Variants in CABCOCO1 observed in about 807,000 individuals in gnomAD.
The protein encoded by CABCOCO1 is ciliary associated calcium binding coiled-coil 1.
A neutral mutation model predicts 35.7 loss-of-function variants in CABCOCO1; 28 were observed. The observed-to-expected ratio is 0.78, with a 90% CI of 0.58 to 1.07. The LOEUF is 1.07. Ranked by LOEUF, CABCOCO1 falls within the 50% of genes least tolerant of loss-of-function variation. The probability of loss-of-function intolerance (pLI) is 0.00; values close to 1 mark genes in which losing one functional copy is unlikely to be tolerated. For synonymous variants in CABCOCO1, 95 were observed against 100.1 expected (o/e 0.95, Z 0.30); for missense variants, 326 against 309.2 (o/e 1.05, Z -0.41).
chr10:61,681,324 A>G lies in CABCOCO1; in HGVS notation c.334+12A>G, dbSNP rs763099920. 4.0e-6 allele frequency: 6 copies of G among 1,506,700 alleles called. No individual in the cohort carries two copies. The highest frequency in any genetic ancestry group is 1.2e-5 in the South Asian group (1 of 82,976). The allele number at this position is 1,506,700 out of a possible 1,614,324, so 93.3% of individuals were successfully genotyped here. The stretch of plus-strand genomic sequence containing the variant: ...TCAAAATCTTAAAAGTAAGTACACT[A>G]TTTTCCTTTGAAGTAAAACAAATTT... On this transcript the variant is annotated intron_variant, in intron 3 of 7. Transcript: ENST00000648843.
At chr10:61,738,250 C>G (rs1385090239) in intron 5 of CABCOCO1, among the ~76,000 whole-genome samples, 1 of 152,028 alleles carries the variant, frequency 6.6e-6, no homozygotes, top group African/African-American at 2.4e-5. Flanking sequence ...TCTACTCTCC[C>G]AAAAGAGACA....
At chr10:61,720,640 A>G (rs1840981615) in intron 5 of CABCOCO1, among the ~76,000 whole-genome samples, 1 of 152,118 alleles carries the variant, frequency 6.6e-6, no homozygotes, top group South Asian at 2.1e-4. Context: ...TAATTGGTGT[A>G]AAACGGTATA....
At chr10:61,665,723 T>C (rs1012455424) in intron 1 of CABCOCO1, among the ~76,000 whole-genome samples, 17 of 151,582 alleles carry the variant, frequency 1.1e-4, no homozygotes, top group African/African-American at 3.9e-4. Context: ...CCGTCTTTAC[T>C]AAAAATACAA....
chr10:61,679,586 C>G (rs1190790393), intron 2 of CABCOCO1, among the ~76,000 whole-genome samples: 1 of 152,036 alleles, frequency 6.6e-6, no homozygotes, highest in Non-Finnish European at 1.5e-5. Context: ...ACAGAAAATG[C>G]CTGCTAGTTT....
intron 5 of CABCOCO1, among the ~76,000 whole-genome samples, chr10:61,727,247 C>CA (rs140253369): frequency 5.4e-4 from 82 of 150,802 alleles, no homozygotes; most frequent in Middle Eastern, 3.4e-3. Flanking sequence ...CTACAACCAA[C>CA]AAAAAAAAAT....
intron 5 of CABCOCO1, among the ~76,000 whole-genome samples, chr10:61,702,117 A>T (rs1009022791): frequency 6.6e-6 from 1 of 152,162 alleles, no homozygotes; most frequent in Non-Finnish European, 1.5e-5. Flanking sequence ...ATGAATTGAG[A>T]GATAATAGGT....
intron 5 of CABCOCO1, among the ~76,000 whole-genome samples, chr10:61,725,720 G>A (rs2132047128): frequency 6.6e-6 from 1 of 151,702 alleles, no homozygotes; most frequent in Admixed American, 6.6e-5. Flanking sequence ...TAACAAACCT[G>A]CACATTGTGA....
chr10:61,693,233 G>T lies in CABCOCO1; in HGVS notation c.552+2612G>T, dbSNP rs1029047802. On this transcript the variant is annotated intron_variant, in intron 5 of 7. Transcript: ENST00000648843. ...CCACTCATGGCATTTTAAAGGATTA[G>T]TGAAAGTATTTTATGACATTTTAGA... Among the ~76,000 whole-genome samples the T allele has an allele frequency of 3.9e-5, 6 of 152,254 alleles. No homozygotes were observed. In the East Asian group the frequency reaches 9.6e-4, roughly 24 times the overall value.
chr10:61,711,281 G>C (rs1029700369), intron 5 of CABCOCO1, among the ~76,000 whole-genome samples: 6 of 151,882 alleles, frequency 4.0e-5, no homozygotes, highest in African/African-American at 1.2e-4. Context: ...TTGCAAGTGG[G>C]GAAATTATGG....
In CABCOCO1 at chr10:61,662,993, C is replaced by CT. The variant is rs1839046436; in HGVS notation, c.22dup (p.Trp8LeufsTer17). On this transcript the variant is annotated frameshift_variant, in exon 1 of 8. Transcript: ENST00000648843. LOFTEE classifies it high-confidence loss of function. ...CGGCGATGTCGCAGGGGACGACTCC[C>CT]TGGGGGCCGACCCCGGCGGGAACCA... 8.8e-6 allele frequency: 1 copy of CT among 113,074 alleles called. No homozygotes were observed. The highest frequency in any genetic ancestry group is 2.0e-4 in the African/African-American group (1 of 4,968). 7.0% of individuals were successfully genotyped at this position (113,074 alleles called of 1,614,324 possible).
At chr10:61,741,071 G>T (rs1405216770) in intron 5 of CABCOCO1, among the ~76,000 whole-genome samples, 4 of 152,054 alleles carry the variant, frequency 2.6e-5, no homozygotes, top group African/African-American at 9.7e-5. Flanking sequence ...TTGAACCCAG[G>T]AGGCAGAGGT....
At chr10:61,715,052 A>C (rs944966244) in intron 5 of CABCOCO1, among the ~76,000 whole-genome samples, 1 of 152,102 alleles carries the variant, frequency 6.6e-6, no homozygotes, top group Non-Finnish European at 1.5e-5. Context: ...GCTGAGTTGA[A>C]GTCCTGGATA....
chr10:61,755,819 T>C (rs1394261506), intron 5 of CABCOCO1, among the ~76,000 whole-genome samples: 1 of 151,726 alleles, frequency 6.6e-6, no homozygotes, highest in Non-Finnish European at 1.5e-5. Context: ...ACACGGAAAA[T>C]AGAAAAAAGA....
intron 5 of CABCOCO1, among the ~76,000 whole-genome samples, chr10:61,708,747 A>G (rs932249434): frequency 1.3e-5 from 2 of 152,106 alleles, no homozygotes; most frequent in African/African-American, 4.8e-5. Context: ...TGTTGGGGAG[A>G]TGGGAACATT....
intron 2 of CABCOCO1, among the ~76,000 whole-genome samples, chr10:61,676,398 T>G (rs577930970): frequency 2.6e-5 from 4 of 152,222 alleles, no homozygotes; most frequent in Admixed American, 1.3e-4. Context: ...AATAATAGAC[T>G]GAAACAATTA....
chr10:61,710,117 T>G (rs989541090), intron 5 of CABCOCO1, among the ~76,000 whole-genome samples: 1 of 152,048 alleles, frequency 6.6e-6, no homozygotes, highest in African/African-American at 2.4e-5. Context: ...AAAAATTATT[T>G]TAAATGATTT....
chr10:61,708,027 A>G (rs2132025225), intron 5 of CABCOCO1, among the ~76,000 whole-genome samples: 1 of 152,098 alleles, frequency 6.6e-6, no homozygotes, highest in South Asian at 2.1e-4. Flanking sequence ...AGGGCCTGGC[A>G]TAGGACAGCA....
intron 5 of CABCOCO1, among the ~76,000 whole-genome samples, chr10:61,720,613 A>C (rs564165145): frequency 7.2e-5 from 11 of 152,324 alleles, no homozygotes; most frequent in Non-Finnish European, 1.6e-4. Context: ...TTGAACATAA[A>C]ATTAAGGCCA....
rs1351456515 is a variant in CABCOCO1, at chr10:61,760,047, T to A, written c.553-12T>A. On this transcript the variant is annotated splice_polypyrimidine_tract_variant and intron_variant, in intron 5 of 7. Transcript: ENST00000648843. The stretch of plus-strand genomic sequence containing the variant: ...AGGCTCTGTCATAATTCAACTTTTT[T>A]CTTCCCATCAGCAAGTGATAGAGGT... 1 of 1,612,234 alleles carries A rather than the reference T, an allele frequency of 6.2e-7. No individual in the cohort carries two copies. Among genetic ancestry groups the A allele is most frequent in the Non-Finnish European group, 8.5e-7 (1 of 1,178,966 alleles).
Sources: gnomAD v4.1 joint callset for allele counts (sites outside exome capture counted in the v4.1 genomes callset) on GRCh38, gnomAD v4.1.1 for gene constraint, MANE v1.5 for transcripts, NCBI Gene and HGNC (gene_info 2026-07-23, HGNC 2026-07-21) for gene names.